Variants in EPB41 observed in about 807,000 individuals in gnomAD.
EPB41 encodes the protein erythrocyte membrane protein band 4.1.
A neutral mutation model predicts 108.0 loss-of-function variants in EPB41; 65 were observed. That is an observed-to-expected ratio of 0.60 (90% CI 0.49 to 0.74). EPB41 has a LOEUF of 0.74. Ranked by LOEUF, EPB41 falls within the 30% of genes least tolerant of loss-of-function variation. The pLI is 0.00. For missense variants in EPB41, 875 were observed against 1,037.0 expected, an observed-to-expected ratio of 0.84 and a Z score of 2.15; for synonymous variants, 336 against 358.9, an observed-to-expected ratio of 0.94 and a Z score of 0.72.
At chr1:28,926,461 T>C in intron 1 of EPB41, among the ~76,000 whole-genome samples, 1 of 152,214 alleles carries the variant, frequency 6.6e-6, no homozygotes, top group East Asian at 1.9e-4. Context: ...GTTACACAAC[T>C]AGCAAGCGAA....
chr1:29,055,337 C>A (rs1645179280), intron 12 of EPB41, among the ~76,000 whole-genome samples: 1 of 152,128 alleles, frequency 6.6e-6, no homozygotes, highest in South Asian at 2.1e-4. Flanking sequence ...GGGGAATCTT[C>A]CTAGTGGCTA....
intron 1 of EPB41, among the ~76,000 whole-genome samples, chr1:28,964,172 G>A (rs778896038): frequency 1.3e-5 from 2 of 152,198 alleles, no homozygotes; most frequent in Non-Finnish European, 2.9e-5. Context: ...TGGTGGGGTG[G>A]CTTATGCCTG....
At chr1:29,079,826 T>A (rs1333523982) in intron 16 of EPB41, among the ~76,000 whole-genome samples, 2 of 151,882 alleles carry the variant, frequency 1.3e-5, no homozygotes, top group Non-Finnish European at 2.9e-5. Context: ...AAAAACTCCA[T>A]CTCTACTAAA....
chr1:29,089,964 G>A (rs938448029), intron 16 of EPB41, among the ~76,000 whole-genome samples: 9 of 152,058 alleles, frequency 5.9e-5, no homozygotes, highest in Admixed American at 2.0e-4. Flanking sequence ...TGGATGAGGC[G>A]TTCTAAGAGC....
intron 4 of EPB41, among the ~76,000 whole-genome samples, chr1:29,003,686 T>C (rs2096346515): frequency 6.6e-6 from 1 of 152,220 alleles, no homozygotes; most frequent in Non-Finnish European, 1.5e-5. Context: ...AGGAAAGTTT[T>C]CCCTCATATG....
chr1:28,904,663 G>A (rs768086686), intron 1 of EPB41, among the ~76,000 whole-genome samples: 26 of 151,812 alleles, frequency 1.7e-4, no homozygotes, highest in South Asian at 4.2e-4. Flanking sequence ...TTTGGGAGGC[G>A]GAGGCGGGTG....
At chr1:28,905,217 C>T (rs571560461) in intron 1 of EPB41, among the ~76,000 whole-genome samples, 2 of 149,712 alleles carry the variant, frequency 1.3e-5, no homozygotes, top group Non-Finnish European at 3.0e-5. Context: ...GAGACATCAG[C>T]TGGGTGCAGT....
At chr1:29,114,751 C>T (rs1670343167) in intron 19 of EPB41, among the ~76,000 whole-genome samples, 1 of 151,518 alleles carries the variant, frequency 6.6e-6, no homozygotes, top group African/African-American at 2.4e-5. Flanking sequence ...AATTACATTA[C>T]CTTAATGCAC....
In EPB41 at chr1:28,887,472, G is replaced by A; in HGVS notation, c.-8+262G>A. ...GTCCGGGAGCTCGGATCCGGAGCTA[G>A]ACACGTCCGGGTCCGGCCGGTCCTG... On this transcript the variant is annotated intron_variant, in intron 1 of 16. Coordinates refer to the EPB41 transcript ENST00000347529. This position sits in a 1 kb window ranked among gnomAD's most constrained non-coding sequence, Gnocchi z 4.9. The A allele has an allele frequency of 2.0e-6, 2 of 985,262 alleles. No individual in the cohort carries two copies. Among genetic ancestry groups the A allele is most frequent in the Non-Finnish European group, 1.2e-6 (1 of 829,876 alleles). The allele number at this position is 985,262 out of a possible 1,614,324, so 61.0% of individuals were successfully genotyped here. A position where few individuals can be genotyped will look rare whatever the true frequency, so the allele number is the denominator to read the frequency against.
intron 1 of EPB41, among the ~76,000 whole-genome samples, chr1:28,946,712 C>CA (rs2094501023): frequency 1.3e-5 from 2 of 152,134 alleles, no homozygotes; most frequent in Non-Finnish European, 2.9e-5. Flanking sequence ...CTCCTCCCTG[C>CA]TTCAATATTT....
intron 16 of EPB41, among the ~76,000 whole-genome samples, chr1:29,081,766 C>T (rs1053066490): frequency 1.4e-5 from 2 of 147,132 alleles, no homozygotes; most frequent in Admixed American, 7.0e-5. Context: ...ACCTGGAAGG[C>T]GGAGGTTGCA....
chr1:28,933,167 T>C (rs1313803589), intron 1 of EPB41, among the ~76,000 whole-genome samples: 1 of 152,200 alleles, frequency 6.6e-6, no homozygotes. Context: ...GGATCAAACA[T>C]ATTTGCCGTG....
intron 1 of EPB41, among the ~76,000 whole-genome samples, chr1:28,928,770 C>T (rs2093587793): frequency 6.6e-6 from 1 of 152,100 alleles, no homozygotes; most frequent in African/African-American, 2.4e-5. Flanking sequence ...ACACCTGGTG[C>T]CTAGAGCAGG....
intron 1 of EPB41, among the ~76,000 whole-genome samples, chr1:28,951,361 TACAC>T (rs58546363): frequency 0.12 from 16,863 of 142,858 alleles, 1,199 homozygotes; most frequent in East Asian, 0.35. Flanking sequence ...CCCTGTGTCT[TACAC>T]ACACACACAC....
In EPB41 at chr1:28,887,508, G is replaced by A. The variant is rs2089556294; in HGVS notation, c.-8+298G>A. 1 of 985,250 alleles carries A rather than the reference G, an allele frequency of 1.0e-6. No individual in the cohort carries two copies. The highest frequency in any genetic ancestry group is 5.2e-4 in the Middle Eastern group (1 of 1,914). The allele number at this position is 985,250 out of a possible 1,614,324, so 61.0% of individuals were successfully genotyped here. Reference sequence around the variant, plus strand: ...GTCCGGCCGGTCCTGGCTGTCTGGGGCGGGGGTCCTGCATTCGGTGTCCGC... The same window carrying A: ...GTCCGGCCGGTCCTGGCTGTCTGGGACGGGGGTCCTGCATTCGGTGTCCGC... On this transcript the variant is annotated intron_variant, in intron 1 of 16. Coordinates refer to the EPB41 transcript ENST00000347529. The surrounding 1 kb of genome is among the most constrained non-coding windows in gnomAD (Gnocchi z 4.9).
chr1:29,099,975 G>T (rs962341534), intron 17 of EPB41, among the ~76,000 whole-genome samples: 3 of 152,190 alleles, frequency 2.0e-5, no homozygotes, highest in Admixed American at 1.3e-4. Context: ...ATGAAAGATT[G>T]CTGCTTTGAG....
chr1:28,896,251 G>T (rs2090649134), intron 1 of EPB41, among the ~76,000 whole-genome samples: 1 of 152,202 alleles, frequency 6.6e-6, no homozygotes, highest in Non-Finnish European at 1.5e-5. Flanking sequence ...TTATAATTAT[G>T]AATATTATTT....
At chr1:29,029,958 G>A (rs981378602) in intron 7 of EPB41, among the ~76,000 whole-genome samples, 1 of 152,168 alleles carries the variant, frequency 6.6e-6, no homozygotes, top group Non-Finnish European at 1.5e-5. Flanking sequence ...GGGGTATGGA[G>A]AGAAAAAGGC....
intron 1 of EPB41, among the ~76,000 whole-genome samples, chr1:28,935,685 C>T (rs2093992961): frequency 6.6e-6 from 1 of 151,684 alleles, no homozygotes; most frequent in Non-Finnish European, 1.5e-5. Flanking sequence ...CTTTGAGAGG[C>T]TGAGGCAGGC....
Sources: allele counts gnomAD v4.1 joint callset (sites outside exome capture counted in the v4.1 genomes callset), GRCh38; gene constraint gnomAD v4.1.1; non-coding constraint Gnocchi (gnomAD v3.1); transcripts MANE v1.5; gene names NCBI Gene and HGNC (gene_info 2026-07-23, HGNC 2026-07-21).